The following BNC1 variants were observed in gnomAD, a reference collection of about 807,000 sequenced individuals.
BNC1 encodes the protein zinc finger protein basonuclin-1.
A neutral mutation model predicts 66.5 loss-of-function variants in BNC1; 8 were observed. The ratio of observed to expected loss-of-function variants is 0.12; its 90% CI spans 0.07 to 0.22. BNC1 has a LOEUF of 0.22. Among genes scored for constraint, BNC1 ranks in the 10% least tolerant of loss-of-function variants. BNC1 has a pLI of 1.00. For missense variants in BNC1, 1,069 were observed against 1,241.3 expected (o/e 0.86, Z 2.09); for synonymous variants, 454 against 452.6 (o/e 1.00, Z -0.04).
chr15:83,278,029 A>G (rs542700264), intron 1 of BNC1, among the ~76,000 whole-genome samples: 130 of 152,262 alleles, frequency 8.5e-4, no homozygotes, highest in African/African-American at 3.0e-3. Context: ...ACAGAGGTAC[A>G]ACTAGGATTC....
intron 4 of BNC1, among the ~76,000 whole-genome samples, chr15:83,258,353 T>C (rs191805640): frequency 2.6e-5 from 4 of 152,358 alleles, no homozygotes; most frequent in African/African-American, 9.6e-5. Context: ...ACAGTCTGGA[T>C]ACTGAGAATA....
At chr15:83,272,889 C>T (rs559467265) in intron 1 of BNC1, among the ~76,000 whole-genome samples, 1 of 152,300 alleles carries the variant, frequency 6.6e-6, no homozygotes, top group African/African-American at 2.4e-5. Flanking sequence ...ATCTGATCAA[C>T]ATCCCTGACT....
chr15:83,282,600 T>C (rs1250210427), intron 1 of BNC1, among the ~76,000 whole-genome samples: 1 of 152,218 alleles, frequency 6.6e-6, no homozygotes, highest in African/African-American at 2.4e-5. Context: ...AGAGTCAGTG[T>C]ATCCATCACT....
At position 83,257,876 on chromosome 15, in the gene BNC1, T is replaced by C; in HGVS notation, c.2551A>G (p.Ser851Gly). 6.8e-6 allele frequency: 11 copies of C among 1,614,016 alleles called. No individual in the cohort carries two copies. The highest frequency in any genetic ancestry group is 9.3e-6 in the Non-Finnish European group (11 of 1,179,954). The change falls in exon 5 of 5, where the codon AGC becomes GGC. Residue 851 changes from serine to glycine, a missense_variant. Transcript: ENST00000345382. ...SLESYNSGPL[S>G]EGTILDLSTT... ...CTCAAATCCAGGATGGTGCCCTCGC[T>C]CAAGGGGCCAGAGTTGTAGCTCTCC...
chr15:83,282,343 ACT>A (rs1275454669), intron 1 of BNC1, among the ~76,000 whole-genome samples: 1 of 152,208 alleles, frequency 6.6e-6, no homozygotes, highest in Non-Finnish European at 1.5e-5. Flanking sequence ...TCAAACGATG[ACT>A]CGTATCTTAT....
In BNC1 at chr15:83,284,559, G is replaced by A. The variant is rs762547342; in HGVS notation, c.70C>T (p.Arg24Trp). Residue 24 changes from arginine to tryptophan, a missense_variant, in exon 1 of 5, where the codon CGG (arginine) becomes TGG (tryptophan). Transcript: ENST00000345382. ...ARARETRRQPRHRSGRRMAEA... is the reference protein window; with the variant it reads ...ARARETRRQPWHRSGRRMAEA... The stretch of plus-strand genomic sequence containing the variant: ...GCCATCCTGCGACCGCTGCGGTGCC[G>A]GGGCTGCCGGCGCGTCTCCCGGGCC... The A allele has an allele frequency of 3.2e-5, 35 of 1,102,904 alleles. No homozygotes were observed. The East Asian group carries it at 1.7e-3, about 55-fold the overall frequency. The allele number at this position is 1,102,904 out of a possible 1,614,324, so 68.3% of individuals were successfully genotyped here. A position where few individuals can be genotyped will look rare whatever the true frequency, so the allele number is the denominator to read the frequency against.
At chr15:83,267,581 A>G (rs1344831229) in intron 2 of BNC1, among the ~76,000 whole-genome samples, 1 of 152,200 alleles carries the variant, frequency 6.6e-6, no homozygotes, top group Non-Finnish European at 1.5e-5. Flanking sequence ...TTAAAATTAA[A>G]CAAAATTTAA....
intron 1 of BNC1, chr15:83,283,198 G>A (rs186804204): frequency 3.9e-5 from 60 of 1,535,696 alleles, no homozygotes; most frequent in Admixed American, 2.7e-4. Flanking sequence ...AGAAGAACAT[G>A]TTTCTACACC....
chr15:83,283,565 C>A, intron 1 of BNC1: 1 of 959,950 alleles, frequency 1.0e-6, no homozygotes, highest in Non-Finnish European at 1.2e-6. Flanking sequence ...CCCGTCCCGG[C>A]GCTTCCCATG....
chr15:83,273,400 C>T (rs573130121), intron 1 of BNC1, among the ~76,000 whole-genome samples: 10 of 152,234 alleles, frequency 6.6e-5, no homozygotes, highest in South Asian at 2.1e-4. Context: ...TAAATCAAAA[C>T]GGAAAACTCT....
At position 83,263,353 on chromosome 15, in the gene BNC1, T is replaced by C. The variant is rs1400840979; in HGVS notation, c.1898A>G (p.Glu633Gly). 1.9e-6 allele frequency: 3 copies of C among 1,614,206 alleles called. No homozygotes were observed. The highest frequency in any genetic ancestry group is 3.3e-5 in the Admixed American group (2 of 60,028). The change falls in exon 4 of 5, where the codon GAG (glutamate) becomes GGG (glycine). Residue 633 changes from glutamate (E) to glycine (G), a missense_variant. Coordinates refer to ENST00000345382, the MANE Select transcript of BNC1 (RefSeq NM_001717.4). ...TGCTGGTGTCTGCTCAGTCTCCCTC[T>C]CTGAATTGTGTGTGGCCTGCTCAGG... is the stretch of plus-strand genomic sequence containing the variant. Reference protein sequence around the residue: ...QTPEQATHNSERETEQTPALI... With the variant: ...QTPEQATHNSGRETEQTPALI...
intron 1 of BNC1, among the ~76,000 whole-genome samples, chr15:83,272,197 G>A (rs2038275986): frequency 6.6e-6 from 1 of 151,976 alleles, no homozygotes; most frequent in African/African-American, 2.4e-5. Context: ...TTCTTATTTT[G>A]GATTATATCC....
rs2038069800 is a variant in BNC1 at position 83,256,038 on chromosome 15, T to G, written c.*1404A>C. On this transcript the variant is annotated 3_prime_UTR_variant, in exon 5 of 5. Coordinates refer to ENST00000345382, the MANE Select transcript of BNC1 (RefSeq NM_001717.4). ...ATTTCACTTTAAATAGAAACAAGTT[T>G]TAAGTTGTCACACTTATTAAAACAA... is the stretch of plus-strand genomic sequence containing the variant. 6.6e-6 allele frequency: 1 copy of G among 152,668 alleles called. No homozygotes were observed. Among genetic ancestry groups the G allele is most frequent in the East Asian group, 1.9e-4 (1 of 5,204 alleles). 9.5% of individuals were successfully genotyped at this position (152,668 alleles called of 1,614,324 possible).
Position 83,257,017 on chromosome 15 carries a change from T to C in BNC1, c.*425A>G, listed in dbSNP as rs2038081118. 1 of 154,822 alleles carries C rather than the reference T, an allele frequency of 6.5e-6. No homozygotes were observed. The highest frequency in any genetic ancestry group is 1.3e-5 in the Non-Finnish European group (1 of 74,902). The allele number at this position is 154,822 out of a possible 1,614,324, so 9.6% of individuals were successfully genotyped here. A position where few individuals can be genotyped will look rare whatever the true frequency, so the allele number is the denominator to read the frequency against. ...ATTGAAGAAGGAACTGAAAATGCTG[T>C]TTTGGGGACTGGTATCTTGTCCACA... On this transcript the variant is annotated 3_prime_UTR_variant, in exon 5 of 5. Coordinates refer to ENST00000345382, the MANE Select transcript of BNC1 (RefSeq NM_001717.4).
At position 83,283,747 on chromosome 15, in the gene BNC1, G is replaced by A. The variant is rs963373824; in HGVS notation, c.99+783C>T. Among the ~76,000 whole-genome samples, 6 of 152,342 alleles carry A rather than the reference G, an allele frequency of 3.9e-5. No homozygotes were observed. In the East Asian group the frequency reaches 1.2e-3, roughly 29 times the overall value. On this transcript the variant is annotated intron_variant, in intron 1 of 4. Transcript: ENST00000345382. The stretch of plus-strand genomic sequence containing the variant: ...CTTTCTGAAAGACGGGCCACCTCGC[G>A]CGGAGCCGCGACAAGGACTCCAGGG...
At chr15:83,282,657 G>A (rs1401742235) in intron 1 of BNC1, among the ~76,000 whole-genome samples, 1 of 152,126 alleles carries the variant, frequency 6.6e-6, no homozygotes. Flanking sequence ...ACTCAGGGTC[G>A]AAGACTTAGA....
intron 4 of BNC1, among the ~76,000 whole-genome samples, chr15:83,262,269 T>C (rs1237526443): frequency 6.6e-6 from 1 of 152,102 alleles, no homozygotes; most frequent in Non-Finnish European, 1.5e-5. Context: ...GCCAGGATGG[T>C]CTCGATCTCT....
intron 1 of BNC1, among the ~76,000 whole-genome samples, chr15:83,269,846 T>G (rs2038253302): frequency 6.6e-6 from 1 of 152,134 alleles, no homozygotes; most frequent in Non-Finnish European, 1.5e-5. Flanking sequence ...GATGAACAGA[T>G]AAACAAAATG....
In BNC1 at chr15:83,263,419, C is replaced by T. The variant is rs138845355; in HGVS notation, c.1832G>A (p.Arg611His). ...PFPEGERPCHRESVIESSGAI... is the reference protein window; with the variant it reads ...PFPEGERPCHHESVIESSGAI... ...TCCACTGGACTCAATTACTGATTCA[C>T]GATGGCAGGGCCTCTCCCCTTCAGG... Residue 611 changes from arginine (R) to histidine (H), a missense_variant, in exon 4 of 5, where the codon CGT (arginine) becomes CAT (histidine). Transcript: ENST00000345382. 17 of 1,614,100 alleles carry T rather than the reference C, an allele frequency of 1.1e-5. No homozygotes were observed. The highest frequency in any genetic ancestry group is 2.2e-5 in the East Asian group (1 of 44,900).
Sources: allele counts gnomAD v4.1 joint callset (sites outside exome capture counted in the v4.1 genomes callset), GRCh38; gene constraint gnomAD v4.1.1; transcripts MANE v1.5; gene names NCBI Gene and HGNC (gene_info 2026-07-23, HGNC 2026-07-21).